Variants in CHRM3 observed in about 807,000 individuals in gnomAD.
The protein encoded by CHRM3 is cholinergic receptor muscarinic 3.
Under a neutral mutation model 41.8 loss-of-function variants are expected in CHRM3, and 11 were observed. The ratio of observed to expected loss-of-function variants is 0.26; its 90% CI spans 0.17 to 0.44. The LOEUF (loss-of-function observed/expected upper bound fraction) is 0.44. Among genes scored for constraint, CHRM3 ranks in the 20% least tolerant of loss-of-function variants. CHRM3 has a pLI of 1.00. For synonymous variants in CHRM3, 297 were observed against 301.4 expected, an observed-to-expected ratio of 0.99 and a Z score of 0.15; for missense variants, 571 against 745.4, an observed-to-expected ratio of 0.77 and a Z score of 2.72.
At chr1:239,725,515 A>G (rs1189980094) in intron 5 of CHRM3, among the ~76,000 whole-genome samples, 4 of 151,968 alleles carry the variant, frequency 2.6e-5, no homozygotes, top group South Asian at 4.1e-4. Context: ...GTCTCACTGA[A>G]TAAATAAAGA....
At chr1:239,409,149 T>A (rs1304082580) in intron 1 of CHRM3, among the ~76,000 whole-genome samples, 1 of 152,154 alleles carries the variant, frequency 6.6e-6, no homozygotes, top group Non-Finnish European at 1.5e-5. Flanking sequence ...CATCAGATAT[T>A]TATTGAGCAG....
intron 5 of CHRM3, among the ~76,000 whole-genome samples, chr1:239,711,261 A>C (rs1661753430): frequency 6.6e-6 from 1 of 151,944 alleles, no homozygotes; most frequent in South Asian, 2.1e-4. Context: ...TGCTCCTCTG[A>C]GACTGGATAA....
chr1:239,398,600 T>C (rs893080661), intron 1 of CHRM3, among the ~76,000 whole-genome samples: 5 of 152,200 alleles, frequency 3.3e-5, no homozygotes, highest in Non-Finnish European at 1.5e-5. Flanking sequence ...TTGGTATAGT[T>C]AATATGTCTC....
At chr1:239,776,308 A>G (rs1668079084) in intron 5 of CHRM3, among the ~76,000 whole-genome samples, 2 of 152,224 alleles carry the variant, frequency 1.3e-5, no homozygotes, top group Non-Finnish European at 2.9e-5. Context: ...TAAGGTTGTC[A>G]TAAGGATTAC....
chr1:239,782,288 T>C (rs747947439), intron 5 of CHRM3, among the ~76,000 whole-genome samples: 10 of 152,122 alleles, frequency 6.6e-5, no homozygotes, highest in Admixed American at 3.9e-4. Context: ...ATTTCTCTAA[T>C]GGATATAGGC....
chr1:239,575,795 G>A (rs1297965359), intron 3 of CHRM3, among the ~76,000 whole-genome samples: 1 of 149,628 alleles, frequency 6.7e-6, no homozygotes, highest in African/African-American at 2.5e-5. Context: ...ATATATAATG[G>A]TAAAAAAAAA....
chr1:239,404,361 A>AG (rs1660279055), intron 1 of CHRM3, among the ~76,000 whole-genome samples: 1 of 55,264 alleles, frequency 1.8e-5, no homozygotes, highest in African/African-American at 6.9e-5. Flanking sequence ...AGAAAGAAAG[A>AG]AAGAAAGAAA....
At chr1:239,858,759 A>C (rs1335001472) in intron 6 of CHRM3, among the ~76,000 whole-genome samples, 5 of 152,058 alleles carry the variant, frequency 3.3e-5, no homozygotes, top group Non-Finnish European at 5.9e-5. Flanking sequence ...GTGACTCCCC[A>C]TTTGTTCCTA....
At chr1:239,534,367 A>G (rs1007636010) in intron 2 of CHRM3, among the ~76,000 whole-genome samples, 2 of 152,182 alleles carry the variant, frequency 1.3e-5, no homozygotes, top group African/African-American at 4.8e-5. Context: ...TGATTTGCAC[A>G]TATACATATT....
chr1:239,615,205 A>G (rs541400494), intron 3 of CHRM3, among the ~76,000 whole-genome samples: 1 of 152,326 alleles, frequency 6.6e-6, no homozygotes, highest in Non-Finnish European at 1.5e-5. Context: ...GACATTTGCT[A>G]TACACTTTAT....
chr1:239,600,116 A>C (rs1665328158), intron 3 of CHRM3, among the ~76,000 whole-genome samples: 1 of 152,164 alleles, frequency 6.6e-6, no homozygotes, highest in African/African-American at 2.4e-5. Flanking sequence ...TCTTCTTCAC[A>C]TCCAGTTCAC....
intron 2 of CHRM3, among the ~76,000 whole-genome samples, chr1:239,520,285 C>T (rs1178319071): frequency 6.6e-6 from 1 of 152,158 alleles, no homozygotes; most frequent in African/African-American, 2.4e-5. Context: ...TATGTGTCCT[C>T]ACCTAAATCT....
intron 6 of CHRM3, among the ~76,000 whole-genome samples, chr1:239,850,635 C>T (rs1306545597): frequency 6.6e-6 from 1 of 152,148 alleles, no homozygotes; most frequent in African/African-American, 2.4e-5. Context: ...GTAATCCCCA[C>T]GTGTTTCGGG....
At chr1:239,442,353 C>T (rs1025531784) in intron 1 of CHRM3, among the ~76,000 whole-genome samples, 6 of 152,072 alleles carry the variant, frequency 3.9e-5, no homozygotes, top group Admixed American at 6.6e-5. Flanking sequence ...GCAATCCACC[C>T]GTCTCAGCCT....
chr1:239,495,956 T>C (rs1019391876), intron 2 of CHRM3, among the ~76,000 whole-genome samples: 2 of 152,116 alleles, frequency 1.3e-5, no homozygotes, highest in African/African-American at 4.8e-5. Context: ...GTAGAAAGCA[T>C]ACCTACTATC....
intron 6 of CHRM3, among the ~76,000 whole-genome samples, chr1:239,874,969 G>A (rs1319248778): frequency 2.6e-5 from 4 of 152,018 alleles, no homozygotes; most frequent in African/African-American, 2.4e-5. Context: ...AAAGTGCTGG[G>A]ATTACAGTCA....
intron 5 of CHRM3, among the ~76,000 whole-genome samples, chr1:239,734,824 G>A (rs1664265949): frequency 1.3e-5 from 2 of 152,120 alleles, no homozygotes; most frequent in African/African-American, 4.8e-5. Context: ...ATGGAGAGAA[G>A]TAGGTGGGAA....
intron 3 of CHRM3, among the ~76,000 whole-genome samples, chr1:239,605,008 GT>G (rs1666066312): frequency 6.6e-6 from 1 of 152,076 alleles, no homozygotes; most frequent in African/African-American, 2.4e-5. Flanking sequence ...TTCATTGAAG[GT>G]TTCTTTATTG....
intron 5 of CHRM3, among the ~76,000 whole-genome samples, chr1:239,822,469 T>C (rs1672131492): frequency 6.6e-6 from 1 of 152,236 alleles, no homozygotes; most frequent in Non-Finnish European, 1.5e-5. Flanking sequence ...GTGATTATAA[T>C]GATTTATCTA....
Sources: gnomAD v4.1 joint callset for allele counts (sites outside exome capture counted in the v4.1 genomes callset) on GRCh38, gnomAD v4.1.1 for gene constraint, MANE v1.5 for transcripts, NCBI Gene and HGNC (gene_info 2026-07-23, HGNC 2026-07-21) for gene names.